AFF1: variants seen among roughly 807,000 people sequenced by gnomAD.
AFF1 encodes ALF transcription elongation factor 1.
In AFF1, 48 loss-of-function variants were observed where a neutral mutation model predicts 121.7. The observed-to-expected ratio is 0.39, with a 90% CI of 0.31 to 0.50. The LOEUF (loss-of-function observed/expected upper bound fraction) is 0.50. Among genes scored for constraint, AFF1 ranks in the 20% least tolerant of loss-of-function variants. The pLI is 0.76. For missense variants in AFF1, 1,523 were observed against 1,511.7 expected (o/e 1.01, Z -0.12); for synonymous variants, 613 against 563.0 (o/e 1.09, Z -1.26).
At chr4:87,124,097 G>A (rs1019320955) in intron 12 of AFF1, among the ~76,000 whole-genome samples, 2 of 152,218 alleles carry the variant, frequency 1.3e-5, no homozygotes, top group African/African-American at 4.8e-5. Flanking sequence ...TGGTGTATGT[G>A]CTAACAAGTG....
At chr4:86,966,929 A>G (rs1243541156) in intron 2 of AFF1, among the ~76,000 whole-genome samples, 2 of 152,154 alleles carry the variant, frequency 1.3e-5, no homozygotes, top group Admixed American at 1.3e-4. Context: ...CCTGGGCCTC[A>G]GCTTGTTTTT....
At chr4:87,040,981 T>C (rs535866589) in intron 2 of AFF1, among the ~76,000 whole-genome samples, 1 of 147,622 alleles carries the variant, frequency 6.8e-6, no homozygotes, top group Non-Finnish European at 1.5e-5. Context: ...GTTCAAGTGA[T>C]TCTCCTGCCT....
intron 8 of AFF1, among the ~76,000 whole-genome samples, chr4:87,096,378 G>C (rs141781052): frequency 7.2e-6 from 1 of 138,698 alleles, no homozygotes; most frequent in East Asian, 2.1e-4. Flanking sequence ...CAGACTACAG[G>C]GACACACCCG....
At position 87,114,571 on chromosome 4, in the gene AFF1, G is replaced by GGCC; in HGVS notation, c.1738_1739insGCC (p.Ala580delinsGlyPro). On this transcript the variant is annotated protein_altering_variant, in exon 12 of 21. Transcript: ENST00000395146. Reference sequence around the variant, plus strand: ...TAAAAGCTCCAGCAAAGCCCCCCGGGCCCCACCCGAAGCCCCCCACCCCGG... The same window carrying GGCC: ...TAAAAGCTCCAGCAAAGCCCCCCGGGGCCCCCCACCCGAAGCCCCCCACCCCGG... The GGCC allele has an allele frequency of 4.4e-6, 7 of 1,597,230 alleles. No individual in the cohort carries two copies. The highest frequency in any genetic ancestry group is 1.7e-5 in the Admixed American group (1 of 58,916).
intron 4 of AFF1, among the ~76,000 whole-genome samples, chr4:87,073,711 TTTC>T (rs1426576757): frequency 6.6e-6 from 1 of 152,246 alleles, no homozygotes; most frequent in Non-Finnish European, 1.5e-5. Flanking sequence ...AAGTTGTTTT[TTTC>T]TTCTTCCTTT....
chr4:87,029,575 A>G (rs1728867762), intron 2 of AFF1, among the ~76,000 whole-genome samples: 1 of 152,192 alleles, frequency 6.6e-6, no homozygotes, highest in African/African-American at 2.4e-5. Flanking sequence ...CTGCTGGAAT[A>G]GATAGCACAG....
Position 87,028,580 on chromosome 4 carries a change from GATT to G in AFF1, c.39-17582_39-17580del, listed in dbSNP as rs373265120. 8.7e-3 allele frequency among the ~76,000 whole-genome samples: 1,331 copies of G among 152,222 alleles called. 22 individuals are homozygous for G. The highest frequency in any genetic ancestry group is 0.031 in the African/African-American group (1,281 of 41,540). On this transcript the variant is annotated intron_variant, in intron 2 of 20. Coordinates refer to ENST00000395146, the MANE Select transcript of AFF1 (RefSeq NM_001166693.3). ...GCTTGATAATACCTCATTTTGTAGA[GATT>G]ATTTAAATTCCTTGAGGTCTCAGAC... is the stretch of plus-strand genomic sequence containing the variant.
At chr4:86,969,601 C>CCCGG (rs1722781116) in intron 2 of AFF1, among the ~76,000 whole-genome samples, 1 of 147,762 alleles carries the variant, frequency 6.8e-6, no homozygotes, top group Admixed American at 6.7e-5. Flanking sequence ...GTAAGATAGG[C>CCCGG]CCGGCGTGGT....
chr4:87,136,086 A>C lies in AFF1; in HGVS notation c.*385A>C, dbSNP rs1185444044. On this transcript the variant is annotated 3_prime_UTR_variant, in exon 21 of 21. Coordinates refer to ENST00000395146, the MANE Select transcript of AFF1 (RefSeq NM_001166693.3). ...CTGAAAGTGAATTTCACGTCATCTC[A>C]GTAGCCACGCTAGTCCATTCCCAGA... 1 of 242,572 alleles carries C rather than the reference A, an allele frequency of 4.1e-6. No individual in the cohort carries two copies. Among genetic ancestry groups the C allele is most frequent in the African/African-American group, 2.2e-5 (1 of 45,732 alleles). 15.0% of individuals were successfully genotyped at this position (242,572 alleles called of 1,614,324 possible).
At chr4:86,984,812 C>CT (rs1044396629) in intron 2 of AFF1, among the ~76,000 whole-genome samples, 3 of 152,036 alleles carry the variant, frequency 2.0e-5, no homozygotes, top group African/African-American at 7.2e-5. Flanking sequence ...AGTCCCGCTA[C>CT]TTGGGATTCT....
chr4:87,002,494 C>A (rs1467542267), intron 2 of AFF1, among the ~76,000 whole-genome samples: 1 of 129,592 alleles, frequency 7.7e-6, no homozygotes, highest in South Asian at 2.6e-4. Context: ...TGCAGTGGTG[C>A]GATCTCGGCT....
At chr4:87,052,415 G>C (rs895167417) in intron 4 of AFF1, among the ~76,000 whole-genome samples, 1 of 151,856 alleles carries the variant, frequency 6.6e-6, no homozygotes, top group East Asian at 1.9e-4. Context: ...TGTCTCAACC[G>C]CTCCCTCCTC....
chr4:86,987,001 C>T (rs529605222), intron 2 of AFF1, among the ~76,000 whole-genome samples: 1 of 151,774 alleles, frequency 6.6e-6, no homozygotes, highest in African/African-American at 2.4e-5. Context: ...ACCACCATGC[C>T]CAGCTAATTT....
intron 2 of AFF1, among the ~76,000 whole-genome samples, chr4:87,035,284 T>A (rs966148072): frequency 1.3e-5 from 2 of 151,976 alleles, no homozygotes; most frequent in Non-Finnish European, 2.9e-5. Context: ...CCAGGAGGCC[T>A]GGCATGGTGG....
intron 4 of AFF1, among the ~76,000 whole-genome samples, chr4:87,065,583 G>A (rs1449472983): frequency 2.0e-5 from 3 of 151,952 alleles, no homozygotes; most frequent in East Asian, 1.9e-4. Context: ...ACGCAGTGCC[G>A]CTATCAAAGT....
chr4:86,935,473 A>G (rs1719893036), intron 1 of AFF1: 1 of 152,572 alleles, frequency 6.6e-6, no homozygotes, highest in African/African-American at 2.4e-5. Context: ...TAGCGCGTAG[A>G]AAAACAGGGG....
At chr4:87,127,805 T>C in intron 16 of AFF1, 102 bp downstream of exon 16, 1 of 1,197,824 alleles carries the variant, frequency 8.3e-7, no homozygotes, top group Non-Finnish European at 1.2e-6. Context: ...TCAGCGTATG[T>C]GCGGTGGAAG....
In AFF1 at chr4:87,114,455, GCA is replaced by G. The variant is rs762583074; in HGVS notation, c.1625_1626del (p.Thr542ArgfsTer10). 1 of 1,613,764 alleles carries G rather than the reference GCA, an allele frequency of 6.2e-7. No homozygotes were observed. Among genetic ancestry groups the G allele is most frequent in the Non-Finnish European group, 8.5e-7 (1 of 1,180,008 alleles). On this transcript the variant is annotated frameshift_variant, in exon 12 of 21. Coordinates refer to ENST00000395146, the MANE Select transcript of AFF1 (RefSeq NM_001166693.3). LOFTEE classifies it high-confidence loss of function. ...GCTGCGCCACCAGAGGGCCCCAGGA[GCA>G]CAGAGCCCCCACGGCGGCACCCAGA...
intron 5 of AFF1, among the ~76,000 whole-genome samples, chr4:87,085,939 A>G (rs1017912126): frequency 1.3e-5 from 2 of 152,064 alleles, no homozygotes; most frequent in Non-Finnish European, 2.9e-5. Context: ...GTGTTTCACC[A>G]TCTTGGCCAG....
Sources: gnomAD v4.1 joint callset for allele counts (sites outside exome capture counted in the v4.1 genomes callset) on GRCh38, gnomAD v4.1.1 for gene constraint, MANE v1.5 for transcripts, NCBI Gene and HGNC (gene_info 2026-07-23, HGNC 2026-07-21) for gene names.